The following PCDH15 variants were observed in gnomAD, a reference collection of about 807,000 sequenced individuals.
PCDH15 encodes protocadherin-15.
Under a neutral mutation model 178.5 loss-of-function variants are expected in PCDH15, and 129 were observed. The ratio of observed to expected loss-of-function variants is 0.72; its 90% CI spans 0.63 to 0.84. The LOEUF (loss-of-function observed/expected upper bound fraction) is 0.84, where lower values mean the gene tolerates loss of function less well. Ranked by LOEUF, PCDH15 falls within the 40% of genes least tolerant of loss-of-function variation. The pLI, the probability that PCDH15 is intolerant of heterozygous loss-of-function variation, is 0.00. For synonymous variants in PCDH15, 800 were observed against 732.0 expected (o/e 1.09, Z -1.50); for missense variants, 2,230 against 2,099.9 (o/e 1.06, Z -1.21).
intron 3 of PCDH15, among the ~76,000 whole-genome samples, chr10:54,400,016 C>CA (rs1289249951): frequency 6.6e-6 from 1 of 151,984 alleles, no homozygotes; most frequent in African/African-American, 2.4e-5. Context: ...GTTGAAGAAA[C>CA]AGAGATGAAT....
intron 26 of PCDH15, among the ~76,000 whole-genome samples, chr10:53,896,548 T>C (rs1254750946): frequency 2.6e-5 from 4 of 152,194 alleles, no homozygotes; most frequent in African/African-American, 9.7e-5. Flanking sequence ...CAGTCATTTT[T>C]CATTAGTGTA....
intron 8 of PCDH15, among the ~76,000 whole-genome samples, chr10:54,283,878 T>A (rs1408307099): frequency 6.6e-6 from 1 of 152,176 alleles, no homozygotes; most frequent in Non-Finnish European, 1.5e-5. Flanking sequence ...AGACAGGGTC[T>A]CACTCTTTCA....
At chr10:55,431,882 G>A (rs1432175592) in intron 2 of PCDH15, among the ~76,000 whole-genome samples, 1 of 151,768 alleles carries the variant, frequency 6.6e-6, no homozygotes. Flanking sequence ...TCTTTATCTT[G>A]TGGGTAACCA....
At chr10:54,838,416 A>T (rs2133758418) in intron 3 of PCDH15, among the ~76,000 whole-genome samples, 1 of 152,228 alleles carries the variant, frequency 6.6e-6, no homozygotes, top group East Asian at 1.9e-4. Flanking sequence ...ATTATGCAAG[A>T]GGTGCCTTTG....
intron 2 of PCDH15, among the ~76,000 whole-genome samples, chr10:55,582,618 A>ATTTTTT (rs1182758362): frequency 4.5e-5 from 4 of 88,178 alleles, no homozygotes; most frequent in African/African-American, 1.1e-4. Flanking sequence ...ATATATATAT[A>ATTTTTT]TATATATATA....
chr10:54,910,287 C>G (rs1954796592), intron 2 of PCDH15, among the ~76,000 whole-genome samples: 1 of 152,152 alleles, frequency 6.6e-6, no homozygotes, highest in Non-Finnish European at 1.5e-5. Flanking sequence ...CTCCCCTGCA[C>G]CAAGTGGGGA....
At position 54,079,331 on chromosome 10, in the gene PCDH15, C is replaced by T. The variant is rs2094398320; in HGVS notation, c.2091G>A (p.Gly697=). 6.2e-7 allele frequency: 1 copy of T among 1,613,910 alleles called. No individual in the cohort carries two copies. The highest frequency in any genetic ancestry group is 8.5e-7 in the Non-Finnish European group (1 of 1,179,818). ...ACCCCTTCACAGGGAGCATACTCAC[C>T]CCATCTGGCCTGCCATCTGAAGCTG... ...IITASDGRPD[G]TSTATVNIVV... Residue 697 remains glycine, a splice_region_variant and synonymous_variant, in exon 17 of 38, where the codon GGG becomes GGA. Coordinates refer to ENST00000644397, the MANE Select transcript of PCDH15 (RefSeq NM_001384140.1).
intron 15 of PCDH15, among the ~76,000 whole-genome samples, chr10:54,114,051 A>G (rs1283048940): frequency 6.6e-6 from 1 of 152,072 alleles, no homozygotes; most frequent in East Asian, 1.9e-4. Flanking sequence ...ATTACCTGCC[A>G]CCTGGTCCCT....
intron 1 of PCDH15, among the ~76,000 whole-genome samples, chr10:55,317,507 T>C (rs907572963): frequency 6.6e-6 from 1 of 152,030 alleles, no homozygotes; most frequent in African/African-American, 2.4e-5. Context: ...TCCTTAAGAT[T>C]TCTTATCAAT....
intron 2 of PCDH15, among the ~76,000 whole-genome samples, chr10:55,345,927 G>T (rs939698970): frequency 2.6e-5 from 4 of 152,062 alleles, no homozygotes; most frequent in Non-Finnish European, 5.9e-5. Context: ...GATATTAACA[G>T]TCATTAGATT....
chr10:54,193,023 C>T (rs2133895262), intron 11 of PCDH15, among the ~76,000 whole-genome samples: 1 of 152,210 alleles, frequency 6.6e-6, no homozygotes, highest in East Asian at 1.9e-4. Context: ...AGGAGTCAAG[C>T]CAAGATCTGT....
At chr10:54,583,894 T>A (rs1288791662) in intron 2 of PCDH15, among the ~76,000 whole-genome samples, 2 of 152,128 alleles carry the variant, frequency 1.3e-5, no homozygotes, top group Non-Finnish European at 2.9e-5. Flanking sequence ...GCCTAAATGG[T>A]AGTCTTCATT....
chr10:54,576,314 A>G (rs1292885410), intron 2 of PCDH15, among the ~76,000 whole-genome samples: 2 of 152,238 alleles, frequency 1.3e-5, no homozygotes, highest in Admixed American at 6.5e-5. Context: ...TCATGTAGTT[A>G]GCGATTTAAG....
At chr10:53,994,228 G>A (rs1264351725) in intron 21 of PCDH15, among the ~76,000 whole-genome samples, 3 of 152,134 alleles carry the variant, frequency 2.0e-5, no homozygotes, top group African/African-American at 7.2e-5. Context: ...CTGTCTATAC[G>A]AAGACTTTCA....
intron 2 of PCDH15, among the ~76,000 whole-genome samples, chr10:55,524,739 TTTA>T (rs1257393942): frequency 1.3e-5 from 2 of 151,736 alleles, no homozygotes; most frequent in African/African-American, 2.4e-5. Flanking sequence ...CCATAGCTTA[TTTA>T]TTATTCCCAA....
At chr10:54,629,299 A>C (rs1476594868) in intron 2 of PCDH15, among the ~76,000 whole-genome samples, 1 of 152,152 alleles carries the variant, frequency 6.6e-6, no homozygotes, top group African/African-American at 2.4e-5. Flanking sequence ...ATTTTTAAAA[A>C]GGAAGAAAGG....
chr10:55,274,022 G>T (rs1564956800), intron 1 of PCDH15, among the ~76,000 whole-genome samples: 4 of 152,022 alleles, frequency 2.6e-5, no homozygotes, highest in African/African-American at 9.7e-5. Flanking sequence ...GTGTGCATAT[G>T]CAGACAGTCT....
intron 3 of PCDH15, among the ~76,000 whole-genome samples, chr10:54,854,832 A>G (rs1272024741): frequency 6.6e-6 from 1 of 152,158 alleles, no homozygotes; most frequent in Non-Finnish European, 1.5e-5. Context: ...ACTGGAGCCC[A>G]GCCCCCAGCC....
chr10:55,239,515 C>A (rs1564922247), intron 1 of PCDH15, among the ~76,000 whole-genome samples: 1 of 152,090 alleles, frequency 6.6e-6, no homozygotes, highest in South Asian at 2.1e-4. Flanking sequence ...TGAAACTAGA[C>A]CCCTCTTGCC....
Sources: allele counts gnomAD v4.1 joint callset (sites outside exome capture counted in the v4.1 genomes callset), GRCh38; gene constraint gnomAD v4.1.1; transcripts MANE v1.5; gene names NCBI Gene and HGNC (gene_info 2026-07-23, HGNC 2026-07-21).